The following PRRC1 variants were observed in gnomAD, a reference collection of about 807,000 sequenced individuals.
PRRC1 encodes proline rich coiled-coil 1, also known as protein PRRC1.
PRRC1 carries 39 observed loss-of-function variants against 40.7 expected under a neutral mutation model. The ratio of observed to expected loss-of-function variants is 0.96; its 90% confidence interval spans 0.74 to 1.25. The LOEUF (loss-of-function observed/expected upper bound fraction) is 1.25. Among genes scored for constraint, PRRC1 ranks in the 50% most tolerant of loss-of-function variants. The probability of loss-of-function intolerance (pLI) is 0.00; values close to 1 mark genes in which losing one functional copy is unlikely to be tolerated. For missense variants in PRRC1, 573 were observed against 548.3 expected, an observed-to-expected ratio of 1.05 and a Z score of -0.45; for synonymous variants, 175 against 193.3, an observed-to-expected ratio of 0.91 and a Z score of 0.79.
intron 8 of PRRC1, chr5:127,550,173 T>C (rs1020317994): frequency 6.6e-6 from 1 of 152,094 alleles, no homozygotes; most frequent in African/African-American, 2.4e-5. Flanking sequence ...ATAATGGTAT[T>C]TAAAGGGTGT....
At position 127,524,798 on chromosome 5, in the gene PRRC1, C is replaced by T. The variant is rs949314167; in HGVS notation, c.371C>T (p.Pro124Leu). The change falls in exon 3 of 9, where the codon CCC becomes CTC. Residue 124 changes from proline to leucine, a missense_variant. By Grantham distance (98) the Pro-to-Leu change is moderately conservative. Transcript: ENST00000296666. ...GCCCCAAACACTCTTTTACCTGCAC[C>T]CCCTTCGGGTCCTCCTATATCAGGA... Reference protein sequence around the residue: ...TSAPNTLLPAPPSGPPISGFS... With the variant: ...TSAPNTLLPALPSGPPISGFS... 1.2e-6 allele frequency: 2 copies of T among 1,614,186 alleles called. No individual in the cohort carries two copies. The highest frequency in any genetic ancestry group is 1.7e-6 in the Non-Finnish European group (2 of 1,180,028).
chr5:127,531,611 CTTCTTCTTTTTTTTTTTTTTTTT>C (rs1473635463), intron 5 of PRRC1, among the ~76,000 whole-genome samples: 1 of 98,476 alleles, frequency 1.0e-5, no homozygotes, highest in South Asian at 3.6e-4. Flanking sequence ...TTTTATTCTT[CTTCTTCTTTTTTTTTTTTTTTTT>C]TTTTTTGAGA....
intron 5 of PRRC1, among the ~76,000 whole-genome samples, chr5:127,531,173 T>G (rs1325252129): frequency 6.6e-6 from 1 of 152,228 alleles, no homozygotes; most frequent in Non-Finnish European, 1.5e-5. Context: ...TAAGTGTCTT[T>G]ATTGAATGCT....
Position 127,554,125 on chromosome 5 carries a change from C to T in PRRC1, c.*2209C>T. The T allele has an allele frequency of 2.4e-6, 1 of 409,948 alleles. No homozygotes were observed. 25.4% of individuals were successfully genotyped at this position (409,948 alleles called of 1,614,324 possible). On this transcript the variant is annotated 3_prime_UTR_variant, in exon 9 of 9. Transcript: ENST00000296666. ...AAGTAACTCATCATCTCTAACACAC[C>T]ATGGCAGCTTAGCCAGGTAGTCTTA...
chr5:127,553,903 G>C lies in PRRC1; in HGVS notation c.*1987G>C, dbSNP rs147072598. The C allele has an allele frequency of 6.5e-7, 1 of 1,535,186 alleles. No homozygotes were observed. The highest frequency in any genetic ancestry group is 1.2e-5 in the South Asian group (1 of 84,044). Reference sequence around the variant, plus strand: ...CCTGGTAAGCCTCCTGCTCGGAACCGTGTGAGTGGGTGAGGAAGATGAGAG... The same window carrying C: ...CCTGGTAAGCCTCCTGCTCGGAACCCTGTGAGTGGGTGAGGAAGATGAGAG... On this transcript the variant is annotated 3_prime_UTR_variant, in exon 9 of 9. Coordinates refer to ENST00000296666, the MANE Select transcript of PRRC1 (RefSeq NM_130809.5).
At chr5:127,524,314 A>G (rs894199165) in intron 2 of PRRC1, among the ~76,000 whole-genome samples, 3 of 152,226 alleles carry the variant, frequency 2.0e-5, no homozygotes, top group Non-Finnish European at 2.9e-5. Context: ...GAACAATGCC[A>G]TAGGTTCATA....
chr5:127,526,070 C>T (rs1179102374), intron 3 of PRRC1, among the ~76,000 whole-genome samples: 6 of 152,140 alleles, frequency 3.9e-5, no homozygotes, highest in South Asian at 2.1e-4. Context: ...ATCAAAACTT[C>T]GTCCTTGTCA....
chr5:127,546,119 T>TC (rs1466636871), intron 7 of PRRC1, among the ~76,000 whole-genome samples: 1 of 152,190 alleles, frequency 6.6e-6, no homozygotes, highest in East Asian at 1.9e-4. Context: ...TCAGGTTTTT[T>TC]CCCCCACTCT....
At position 127,553,809 on chromosome 5, in the gene PRRC1, C is replaced by T. The variant is rs1768455237; in HGVS notation, c.*1893C>T. ...GACATTTCATTAGATGATTATTTTC[C>T]TAGAATCCCCAAAGAGCAGTGGCAG... On this transcript the variant is annotated 3_prime_UTR_variant, in exon 9 of 9. Transcript: ENST00000296666. 2 of 1,535,266 alleles carry T rather than the reference C, an allele frequency of 1.3e-6. No individual in the cohort carries two copies. The highest frequency in any genetic ancestry group is 1.7e-6 in the Non-Finnish European group (2 of 1,146,486).
chr5:127,518,731 CTT>C (rs79976581), intron 1 of PRRC1, among the ~76,000 whole-genome samples: 193 of 139,722 alleles, frequency 1.4e-3, no homozygotes, highest in African/African-American at 4.2e-3. Context: ...TAGACATCCA[CTT>C]TTTTTTTTTT....
At chr5:127,535,217 T>C (rs976811485) in intron 6 of PRRC1, among the ~76,000 whole-genome samples, 3 of 152,228 alleles carry the variant, frequency 2.0e-5, no homozygotes, top group African/African-American at 7.2e-5. Flanking sequence ...TTCATTAATA[T>C]TGAACTCTCA....
rs780266787 is a variant in PRRC1, at chr5:127,524,677, C to G, written c.250C>G (p.Pro84Ala). 5.1e-5 allele frequency: 82 copies of G among 1,614,038 alleles called. No homozygotes were observed. Among genetic ancestry groups the G allele is most frequent in the Non-Finnish European group, 5.9e-5 (70 of 1,180,038 alleles). The change falls in exon 3 of 9, where the codon CCA becomes GCA. Residue 84 changes from proline (P) to alanine (A), a missense_variant. Coordinates refer to ENST00000296666, the MANE Select transcript of PRRC1 (RefSeq NM_130809.5). Reference protein sequence around the residue: ...FVPPPAVPSVPPLVTSMPPPV... With the variant: ...FVPPPAVPSVAPLVTSMPPPV... Reference sequence around the variant, plus strand: ...GCCTCCTCCTGCAGTTCCTTCTGTCCCACCACTTGTTACTTCTATGCCACC... The same window carrying G: ...GCCTCCTCCTGCAGTTCCTTCTGTCGCACCACTTGTTACTTCTATGCCACC...
Position 127,538,440 on chromosome 5 carries a change from A to T in PRRC1, c.922-600A>T, listed in dbSNP as rs180861875. 5.0e-3 allele frequency among the ~76,000 whole-genome samples: 760 copies of T among 152,166 alleles called. 9 individuals carry two copies. In the Middle Eastern group the frequency reaches 0.068, roughly 14 times the overall value. ...TAAACAGAAACCTTTTCCCTCAGTCATCCAGCTTTTAGTTTTCTATTACAT... is the reference window on the plus strand; with the variant it reads ...TAAACAGAAACCTTTTCCCTCAGTCTTCCAGCTTTTAGTTTTCTATTACAT... On this transcript the variant is annotated intron_variant, in intron 6 of 8. Transcript: ENST00000296666.
At chr5:127,537,982 T>C (rs1241728696) in intron 6 of PRRC1, among the ~76,000 whole-genome samples, 1 of 152,130 alleles carries the variant, frequency 6.6e-6, no homozygotes, top group African/African-American at 2.4e-5. Flanking sequence ...TTTATTTTTT[T>C]CTTTGTTCAG....
chr5:127,552,813 T>C lies in PRRC1; in HGVS notation c.*897T>C. 1 of 985,596 alleles carries C rather than the reference T, an allele frequency of 1.0e-6. No individual in the cohort carries two copies. The highest frequency in any genetic ancestry group is 1.2e-6 in the Non-Finnish European group (1 of 829,702). 61.1% of individuals were successfully genotyped at this position (985,596 alleles called of 1,614,324 possible). On this transcript the variant is annotated 3_prime_UTR_variant, in exon 9 of 9. Transcript: ENST00000296666. ...GGGGGTTACTTTATTGCTTGTGGGTTAGTATGTCTCTTACTTCAATTAAGG... is the reference window on the plus strand; with the variant it reads ...GGGGGTTACTTTATTGCTTGTGGGTCAGTATGTCTCTTACTTCAATTAAGG...
chr5:127,548,171 T>G, intron 8 of PRRC1: 1 of 536,982 alleles, frequency 1.9e-6, no homozygotes. Flanking sequence ...TTTCTCTCAT[T>G]TTTTTCTTTG....
intron 5 of PRRC1, 62 bp downstream of exon 5, chr5:127,530,458 C>A: frequency 1.0e-6 from 1 of 995,542 alleles, no homozygotes; most frequent in African/African-American, 1.6e-5. Context: ...CCACATCAGC[C>A]ACTAATTGTA....
chr5:127,523,555 G>A lies in PRRC1; in HGVS notation c.76G>A (p.Ala26Thr). Residue 26 changes from alanine to threonine, a missense_variant, in exon 2 of 9, where the codon GCT becomes ACT. Coordinates refer to ENST00000296666, the MANE Select transcript of PRRC1 (RefSeq NM_130809.5). ...AAATCCTGCAGGGCTGGCTGCTACT[G>A]CTATGTCTTCTACCCCTGTTCCATT... ...PPNPAGLAAT[A>T]MSSTPVPLAA... 1 of 1,612,738 alleles carries A rather than the reference G, an allele frequency of 6.2e-7. No individual in the cohort carries two copies. Among genetic ancestry groups the A allele is most frequent in the Non-Finnish European group, 8.5e-7 (1 of 1,179,456 alleles).
intron 1 of PRRC1, among the ~76,000 whole-genome samples, chr5:127,520,573 C>G (rs565786237): frequency 1.1e-4 from 17 of 152,180 alleles, no homozygotes; most frequent in African/African-American, 4.1e-4. Flanking sequence ...AGGTTATATG[C>G]TGTATGATTC....
Sources: allele counts gnomAD v4.1 joint callset (sites outside exome capture counted in the v4.1 genomes callset), GRCh38; gene constraint gnomAD v4.1.1; transcripts MANE v1.5; gene names NCBI Gene and HGNC (gene_info 2026-07-23, HGNC 2026-07-21).